ST8SIA1: variants seen among roughly 807,000 people sequenced by gnomAD.
The protein encoded by ST8SIA1 is ST8 alpha-N-acetyl-neuraminide alpha-2,8-sialyltransferase 1, also known as alpha-N-acetylneuraminide alpha-2,8-sialyltransferase.
ST8SIA1 carries 16 observed loss-of-function variants against 35.9 expected under a neutral mutation model. The ratio of observed to expected loss-of-function variants is 0.45; its 90% confidence interval spans 0.30 to 0.68. ST8SIA1 has a LOEUF of 0.68. Ranked by LOEUF, ST8SIA1 falls within the 30% of genes least tolerant of loss-of-function variation. The pLI, the probability that ST8SIA1 is intolerant of heterozygous loss-of-function variation, is 0.09. For missense variants in ST8SIA1, 383 were observed against 453.6 expected, an observed-to-expected ratio of 0.84 and a Z score of 1.41; for synonymous variants, 170 against 169.6, an observed-to-expected ratio of 1.00 and a Z score of -0.02.
intron 4 of ST8SIA1, among the ~76,000 whole-genome samples, chr12:22,228,882 C>T (rs145898552): frequency 0.02 from 3,011 of 151,858 alleles, 111 homozygotes; most frequent in African/African-American, 0.069. Context: ...GGTGAAACCC[C>T]GTCTCATCTA....
chr12:22,249,180 T>C (rs913172820), intron 3 of ST8SIA1, 82 bp from the exon 4 acceptor site: 163 of 939,684 alleles, frequency 1.7e-4, no homozygotes, highest in Non-Finnish European at 3.5e-5. Context: ...AGAAATGTTA[T>C]TAATTCTAGC....
At chr12:22,235,843 A>C (rs935274024) in intron 4 of ST8SIA1, among the ~76,000 whole-genome samples, 1 of 152,042 alleles carries the variant, frequency 6.6e-6, no homozygotes, top group Non-Finnish European at 1.5e-5. Context: ...GCCATTACCC[A>C]GGAGAACAAA....
intron 1 of ST8SIA1, among the ~76,000 whole-genome samples, chr12:22,331,999 TAAAC>T (rs1282014168): frequency 1.3e-5 from 2 of 152,198 alleles, no homozygotes; most frequent in Non-Finnish European, 2.9e-5. Context: ...GCAATGTAGA[TAAAC>T]AAGAAAGCCA....
intron 4 of ST8SIA1, among the ~76,000 whole-genome samples, chr12:22,215,607 G>A (rs1055930857): frequency 4.6e-5 from 7 of 152,222 alleles, no homozygotes; most frequent in African/African-American, 1.4e-4. Context: ...GGAGATCTGT[G>A]GGAAGCATCT....
intron 4 of ST8SIA1, among the ~76,000 whole-genome samples, chr12:22,220,556 C>T (rs1053096919): frequency 3.3e-5 from 5 of 152,112 alleles, no homozygotes; most frequent in Non-Finnish European, 5.9e-5. Context: ...TAACTTTTTT[C>T]CCCCTGCAAT....
chr12:22,251,366 C>G (rs1865667805), intron 3 of ST8SIA1, among the ~76,000 whole-genome samples: 1 of 152,052 alleles, frequency 6.6e-6, no homozygotes, highest in African/African-American at 2.4e-5. Context: ...AGAGTAATAG[C>G]CCAATAAAAA....
At chr12:22,204,011 G>A (rs1466442422) in intron 4 of ST8SIA1, among the ~76,000 whole-genome samples, 4 of 152,138 alleles carry the variant, frequency 2.6e-5, no homozygotes, top group Non-Finnish European at 4.4e-5. Flanking sequence ...AAGCATCAGT[G>A]TAAGCTGTCT....
intron 1 of ST8SIA1, among the ~76,000 whole-genome samples, chr12:22,328,658 A>C (rs1051465459): frequency 6.6e-6 from 1 of 152,240 alleles, no homozygotes; most frequent in Non-Finnish European, 1.5e-5. Flanking sequence ...ACAATCATAC[A>C]TGCATGGTAT....
chr12:22,207,473 CA>C (rs535369970), intron 4 of ST8SIA1, among the ~76,000 whole-genome samples: 1 of 151,408 alleles, frequency 6.6e-6, no homozygotes, highest in African/African-American at 2.4e-5. Flanking sequence ...TCACATGTGA[CA>C]AAAAAAATCA....
chr12:22,291,217 A>T (rs1866171639), intron 1 of ST8SIA1, among the ~76,000 whole-genome samples: 1 of 152,228 alleles, frequency 6.6e-6, no homozygotes, highest in Non-Finnish European at 1.5e-5. Flanking sequence ...CAGGCAAAGA[A>T]GGATGAAAAT....
chr12:22,263,193 G>A (rs16924844), intron 2 of ST8SIA1, among the ~76,000 whole-genome samples: 6,049 of 152,260 alleles, frequency 0.04, 388 homozygotes, highest in African/African-American at 0.14. Context: ...TCTAAGCAAC[G>A]AACAGATATT....
intron 1 of ST8SIA1, among the ~76,000 whole-genome samples, chr12:22,301,445 T>C (rs769077961): frequency 1.3e-4 from 20 of 152,152 alleles, no homozygotes; most frequent in African/African-American, 4.6e-4. Flanking sequence ...TTTTGAGCTA[T>C]TGACAGCTTT....
At chr12:22,277,366 CTTTTT>C (rs34650104) in intron 2 of ST8SIA1, among the ~76,000 whole-genome samples, 1 of 124,824 alleles carries the variant, frequency 8.0e-6, no homozygotes. Flanking sequence ...TAATAGTGAA[CTTTTT>C]TTTTTTTTTT....
chr12:22,198,821 G>C lies in ST8SIA1; in HGVS notation c.*2731C>G, dbSNP rs948900238. On this transcript the variant is annotated 3_prime_UTR_variant, in exon 5 of 5. Coordinates refer to ENST00000396037, the MANE Select transcript of ST8SIA1 (RefSeq NM_003034.4). ...CCTGGATAATTATTTTGCTGTGAGA[G>C]GCTGACTTGTGCATTGTAAGATCTT... The C allele has an allele frequency of 6.6e-6, 1 of 152,100 alleles. No individual in the cohort carries two copies. The highest frequency in any genetic ancestry group is 1.5e-5 in the Non-Finnish European group (1 of 68,008). 9.4% of individuals were successfully genotyped at this position (152,100 alleles called of 1,614,324 possible). A position where few individuals can be genotyped will look rare whatever the true frequency, so the allele number is the denominator to read the frequency against.
intron 1 of ST8SIA1, chr12:22,325,399 C>T: frequency 1.4e-6 from 1 of 699,834 alleles, no homozygotes; most frequent in South Asian, 1.5e-5. Context: ...CCTCCTGGCA[C>T]CTAATTAGAG....
intron 4 of ST8SIA1, among the ~76,000 whole-genome samples, chr12:22,226,125 A>G (rs1865355141): frequency 6.6e-6 from 1 of 152,220 alleles, no homozygotes; most frequent in African/African-American, 2.4e-5. Flanking sequence ...TGTATATAGT[A>G]CATATTTTAT....
intron 1 of ST8SIA1, among the ~76,000 whole-genome samples, chr12:22,317,211 T>C (rs1377064751): frequency 1.3e-5 from 2 of 152,234 alleles, no homozygotes; most frequent in East Asian, 3.8e-4. Flanking sequence ...GTCCTACACA[T>C]ACTAAGTGGG....
rs144443758 is a variant in ST8SIA1 at position 22,289,633 on chromosome 12, G to A, written c.237-2340C>T. ...TCTCAGGTCACGTAACTAGGGAAAC[G>A]GTGGGGCAGGGCTTTGCTTCCAGGT... is the stretch of plus-strand genomic sequence containing the variant. On this transcript the variant is annotated intron_variant, in intron 1 of 4. Transcript: ENST00000396037. 4.5e-3 allele frequency among the ~76,000 whole-genome samples: 679 copies of A among 152,210 alleles called. 6 individuals are homozygous for A. The highest frequency in any genetic ancestry group is 0.016 in the African/African-American group (656 of 41,524).
chr12:22,333,414 C>A (rs4325353), intron 1 of ST8SIA1, among the ~76,000 whole-genome samples: 149,839 of 152,324 alleles, frequency 0.98, 73,760 homozygotes, highest in Middle Eastern at 1. Context: ...TAATACTAGA[C>A]AGCTGTTCGA....
Sources: gnomAD v4.1 joint callset for allele counts (sites outside exome capture counted in the v4.1 genomes callset) on GRCh38, gnomAD v4.1.1 for gene constraint, MANE v1.5 for transcripts, NCBI Gene and HGNC (gene_info 2026-07-23, HGNC 2026-07-21) for gene names.